Variants in GPC5 observed in about 807,000 individuals in gnomAD.
GPC5 encodes glypican 5.
Under a neutral mutation model 53.9 loss-of-function variants are expected in GPC5, and 47 were observed. The observed-to-expected ratio is 0.87, with a 90% CI of 0.69 to 1.11. The LOEUF (loss-of-function observed/expected upper bound fraction) is 1.11. Among genes scored for constraint, GPC5 ranks in the 50% most tolerant of loss-of-function variants. GPC5 has a pLI of 0.00. For missense variants in GPC5, 748 were observed against 713.1 expected, an observed-to-expected ratio of 1.05 and a Z score of -0.56; for synonymous variants, 286 against 263.3, an observed-to-expected ratio of 1.09 and a Z score of -0.84.
intron 1 of GPC5, among the ~76,000 whole-genome samples, chr13:91,435,686 A>T (rs1013982380): frequency 2.0e-5 from 3 of 152,216 alleles, no homozygotes; most frequent in Admixed American, 6.5e-5. Context: ...TGGTATCAGG[A>T]TGATGCTGGC....
At chr13:91,869,931 C>T (rs1231017182) in intron 5 of GPC5, among the ~76,000 whole-genome samples, 2 of 152,108 alleles carry the variant, frequency 1.3e-5, no homozygotes, top group Admixed American at 6.5e-5. Flanking sequence ...AAATCTACCC[C>T]CATGATACAA....
chr13:92,042,617 CACTG>C (rs2040950449), intron 6 of GPC5, among the ~76,000 whole-genome samples: 1 of 152,128 alleles, frequency 6.6e-6, no homozygotes, highest in South Asian at 2.1e-4. Flanking sequence ...GCAGAAGAAA[CACTG>C]AGTGAGTGAG....
chr13:92,531,742 TCTC>T (rs1451011721), intron 7 of GPC5, among the ~76,000 whole-genome samples: 2 of 152,190 alleles, frequency 1.3e-5, no homozygotes, highest in Non-Finnish European at 1.5e-5. Context: ...TGCGTACTGA[TCTC>T]CACTGTCAGC....
rs190179237 is a variant in GPC5, at chr13:92,790,218, T to C, written c.1562-76064T>C. ...CCCTCACAGACAGGCCCAGGAACAATATTTTGCATCCCTCAGTCCAATCAA... is the reference window on the plus strand; with the variant it reads ...CCCTCACAGACAGGCCCAGGAACAACATTTTGCATCCCTCAGTCCAATCAA... On this transcript the variant is annotated intron_variant, in intron 7 of 7. Transcript: ENST00000377067. 3.4e-3 allele frequency among the ~76,000 whole-genome samples: 524 copies of C among 152,174 alleles called. 3 individuals carry two copies. The highest frequency in any genetic ancestry group is 5.1e-3 in the Non-Finnish European group (350 of 68,000).
chr13:92,311,147 T>C (rs2043142596), intron 7 of GPC5, among the ~76,000 whole-genome samples: 1 of 152,156 alleles, frequency 6.6e-6, no homozygotes, highest in African/African-American at 2.4e-5. Flanking sequence ...CTATTGAACA[T>C]ATACGGGAGT....
intron 7 of GPC5, among the ~76,000 whole-genome samples, chr13:92,725,009 T>G (rs1888605144): frequency 6.6e-6 from 1 of 151,456 alleles, no homozygotes; most frequent in African/African-American, 2.4e-5. Flanking sequence ...AAAAGCTTCA[T>G]ATGTAAGACT....
intron 7 of GPC5, among the ~76,000 whole-genome samples, chr13:92,253,644 T>G (rs2042707114): frequency 6.6e-6 from 1 of 152,056 alleles, no homozygotes; most frequent in African/African-American, 2.4e-5. Flanking sequence ...TGTTGTGAGA[T>G]TAAATGAAAG....
intron 5 of GPC5, among the ~76,000 whole-genome samples, chr13:91,900,372 T>A (rs546760697): frequency 6.6e-6 from 1 of 152,140 alleles, no homozygotes; most frequent in Non-Finnish European, 1.5e-5. Context: ...AGCAAATCAG[T>A]ACAAAGTGGT....
At chr13:92,372,798 G>T (rs9561026) in intron 7 of GPC5, among the ~76,000 whole-genome samples, 6,973 of 152,230 alleles carry the variant, frequency 0.046, 238 homozygotes, top group East Asian at 0.15. Context: ...CTCTCAGGCT[G>T]AAAGATCACT....
intron 1 of GPC5, among the ~76,000 whole-genome samples, chr13:91,433,947 G>A (rs1264198111): frequency 1.3e-5 from 2 of 152,116 alleles, no homozygotes; most frequent in Non-Finnish European, 2.9e-5. Flanking sequence ...TTCTCTGATG[G>A]CCAGTGATGG....
intron 7 of GPC5, among the ~76,000 whole-genome samples, chr13:92,662,262 G>A (rs1256270162): frequency 1.3e-5 from 2 of 151,988 alleles, no homozygotes; most frequent in Non-Finnish European, 1.5e-5. Context: ...CACAAATGCC[G>A]ACATTCATCA....
intron 7 of GPC5, among the ~76,000 whole-genome samples, chr13:92,381,869 C>G (rs1384330132): frequency 1.9e-5 from 2 of 107,382 alleles, no homozygotes; most frequent in African/African-American, 7.4e-5. Flanking sequence ...TTATATATAT[C>G]ATATATATGA....
chr13:92,518,648 C>A (rs778314069), intron 7 of GPC5, among the ~76,000 whole-genome samples: 5 of 152,192 alleles, frequency 3.3e-5, no homozygotes, highest in Admixed American at 6.6e-5. Context: ...TGGAAAGGAA[C>A]AACCAATAAC....
chr13:92,757,944 A>G (rs1859799612), intron 7 of GPC5, among the ~76,000 whole-genome samples: 1 of 151,372 alleles, frequency 6.6e-6, no homozygotes, highest in African/African-American at 2.4e-5. Context: ...GGGATCTAGA[A>G]CTGGAAATAC....
intron 2 of GPC5, among the ~76,000 whole-genome samples, chr13:91,470,177 G>GTCTTCTTT (rs1253707720): frequency 6.6e-5 from 10 of 152,256 alleles, no homozygotes; most frequent in Non-Finnish European, 5.9e-5. Context: ...GTTATGTCAT[G>GTCTTCTTT]TCTTCTTTTC....
chr13:91,552,537 C>A (rs1332036151), intron 2 of GPC5, among the ~76,000 whole-genome samples: 1 of 152,014 alleles, frequency 6.6e-6, no homozygotes, highest in Non-Finnish European at 1.5e-5. Flanking sequence ...CAGTCATTAG[C>A]ATTGTTTCTA....
At chr13:91,527,633 T>C (rs193047724) in intron 2 of GPC5, among the ~76,000 whole-genome samples, 106 of 152,374 alleles carry the variant, frequency 7.0e-4, no homozygotes, top group Admixed American at 3.4e-3. Flanking sequence ...AGGGACTCTG[T>C]GTAGGGTCTC....
At chr13:91,675,892 A>G (rs2035370117) in intron 2 of GPC5, among the ~76,000 whole-genome samples, 1 of 152,200 alleles carries the variant, frequency 6.6e-6, no homozygotes, top group Non-Finnish European at 1.5e-5. Flanking sequence ...CACCCAAGAA[A>G]GAACATCGAA....
intron 5 of GPC5, among the ~76,000 whole-genome samples, chr13:91,826,741 G>T (rs1030284413): frequency 3.9e-5 from 6 of 152,162 alleles, no homozygotes; most frequent in African/African-American, 1.4e-4. Context: ...TTTTAGCAAA[G>T]TTGCCAAAGC....
Sources: allele counts gnomAD v4.1 joint callset (sites outside exome capture counted in the v4.1 genomes callset), GRCh38; gene constraint gnomAD v4.1.1; transcripts MANE v1.5; gene names NCBI Gene and HGNC (gene_info 2026-07-23, HGNC 2026-07-21).